THRAP3: variants seen among roughly 807,000 people sequenced by gnomAD.
THRAP3 encodes thyroid hormone receptor-associated protein 3.
In THRAP3, 16 loss-of-function variants were observed where a neutral mutation model predicts 101.0. That is an observed-to-expected ratio of 0.16 (90% CI 0.11 to 0.24). The LOEUF (loss-of-function observed/expected upper bound fraction) is 0.24, where lower values mean the gene tolerates loss of function less well. Ranked by LOEUF, THRAP3 falls within the 10% of genes least tolerant of loss-of-function variation. THRAP3 has a pLI of 1.00. For missense variants in THRAP3, 989 were observed against 1,202.7 expected (o/e 0.82, Z 2.63); for synonymous variants, 407 against 422.6 (o/e 0.96, Z 0.45).
At chr1:36,236,273 T>G (rs1645087485) in intron 1 of THRAP3, among the ~76,000 whole-genome samples, 2 of 151,678 alleles carry the variant, frequency 1.3e-5, no homozygotes, top group African/African-American at 4.8e-5. Flanking sequence ...AAACCAAACC[T>G]TTATGTCTCT....
intron 9 of THRAP3, among the ~76,000 whole-genome samples, chr1:36,299,173 G>T (rs1645997935): frequency 6.6e-6 from 1 of 151,914 alleles, no homozygotes; most frequent in Non-Finnish European, 1.5e-5. Flanking sequence ...GGATGCGGTG[G>T]CTCACGCCTG....
At position 36,292,691 on chromosome 1, in the gene THRAP3, A is replaced by G. The variant is rs1042522212; in HGVS notation, c.2012A>G (p.Lys671Arg). Residue 671 changes from lysine (K) to arginine (R), a missense_variant, in exon 7 of 12, where the codon AAA becomes AGA. Lys to Arg is a conservative substitution (Grantham distance 26). Coordinates refer to ENST00000354618, the MANE Select transcript of THRAP3 (RefSeq NM_005119.4). The part of the protein sequence containing the change: ...GTEQEAAKNK[K>R]SPEIHRRIDI... ...GAGCAGGAGGCAGCCAAAAACAAGA[A>G]AAGCCCAGAGATACACAGGTAAGGA... 1.9e-6 allele frequency: 3 copies of G among 1,613,506 alleles called. No homozygotes were observed. Among genetic ancestry groups the G allele is most frequent in the Middle Eastern group, 1.6e-4 (1 of 6,084 alleles).
chr1:36,261,270 C>T (rs548737686), intron 2 of THRAP3, among the ~76,000 whole-genome samples: 63 of 152,160 alleles, frequency 4.1e-4, no homozygotes, highest in African/African-American at 1.3e-3. Flanking sequence ...CGGTGGCTCA[C>T]GCCTGTAATC....
chr1:36,282,502 T>C (rs1645745861), intron 2 of THRAP3, 31 bp from the exon 3 acceptor site: 1 of 1,522,314 alleles, frequency 6.6e-7, no homozygotes, highest in African/African-American at 1.4e-5. Context: ...AGGAACTCAC[T>C]CATTTGTTCT....
chr1:36,278,636 T>C (rs959930902), intron 2 of THRAP3, among the ~76,000 whole-genome samples: 7 of 152,150 alleles, frequency 4.6e-5, no homozygotes, highest in Admixed American at 3.9e-4. Context: ...TGAAATTCTG[T>C]CCTTGTGCCA....
intron 2 of THRAP3, among the ~76,000 whole-genome samples, chr1:36,271,799 G>T (rs1486134299): frequency 6.6e-6 from 1 of 151,616 alleles, no homozygotes; most frequent in African/African-American, 2.4e-5. Context: ...TCTCCATGTT[G>T]GTCAGGCTGG....
At chr1:36,237,779 A>T (rs1244071761) in intron 1 of THRAP3, among the ~76,000 whole-genome samples, 2 of 151,790 alleles carry the variant, frequency 1.3e-5, no homozygotes, top group Non-Finnish European at 1.5e-5. Context: ...AAAACAAAAC[A>T]AACAAACAAA....
At chr1:36,281,840 C>T (rs1311666972) in intron 2 of THRAP3, among the ~76,000 whole-genome samples, 1 of 151,806 alleles carries the variant, frequency 6.6e-6, no homozygotes, top group Non-Finnish European at 1.5e-5. Flanking sequence ...GGAGGCCGAG[C>T]CGGGCAGATT....
chr1:36,256,416 G>A (rs995773074), intron 1 of THRAP3, among the ~76,000 whole-genome samples: 36 of 151,572 alleles, frequency 2.4e-4, no homozygotes, highest in African/African-American at 8.0e-4. Context: ...TAGTAGAGAC[G>A]GGGTTTCACC....
chr1:36,295,287 CTTTTT>C (rs746652907), intron 8 of THRAP3, among the ~76,000 whole-genome samples: 3 of 144,662 alleles, frequency 2.1e-5, no homozygotes, highest in African/African-American at 7.6e-5. Flanking sequence ...TGCTGTTAAA[CTTTTT>C]TTTTTAAAAG....
chr1:36,247,989 C>T (rs1330525697), intron 1 of THRAP3, among the ~76,000 whole-genome samples: 1 of 150,630 alleles, frequency 6.6e-6, no homozygotes, highest in African/African-American at 2.4e-5. Context: ...AAGCGATTTT[C>T]CTGCCTCAGC....
intron 1 of THRAP3, among the ~76,000 whole-genome samples, chr1:36,238,135 T>G (rs1028511174): frequency 6.6e-6 from 1 of 152,120 alleles, no homozygotes; most frequent in Non-Finnish European, 1.5e-5. Context: ...GCCCGGCGAT[T>G]TAGCAAATTT....
chr1:36,274,187 A>G (rs1173107290), intron 2 of THRAP3, among the ~76,000 whole-genome samples: 2 of 152,164 alleles, frequency 1.3e-5, no homozygotes, highest in Non-Finnish European at 1.5e-5. Flanking sequence ...AATCAATCGT[A>G]AGTAATTTCA....
chr1:36,210,723 A>AT, the THRAP3 span, among the ~76,000 whole-genome samples: 1 of 9,678 alleles, frequency 1.0e-4, no homozygotes, highest in African/African-American at 1.2e-3. Context: ...ATATATATAT[A>AT]TATATATATA....
At position 36,295,562 on chromosome 1, in the gene THRAP3, T is replaced by TTCCC. The variant is rs1278676597; in HGVS notation, c.2116-1018_2116-1017insCTCC. Among the ~76,000 whole-genome samples the TTCCC allele has an allele frequency of 7.5e-4, 107 of 142,950 alleles. 2 individuals are homozygous for TTCCC. The East Asian group carries it at 0.013, about 17-fold the overall frequency. 93.8% of individuals were successfully genotyped at this position (142,950 alleles called of 152,430 possible). On this transcript the variant is annotated intron_variant, in intron 8 of 11. Transcript: ENST00000354618. ...AGAAGTTTTTTCCTTCCTTCCTTCCTTCCTTCCTTCCTTCCCTCCTCCCTT... is the reference window on the plus strand; with the variant it reads ...AGAAGTTTTTTCCTTCCTTCCTTCCTTCCCTCCTTCCTTCCTTCCCTCCTCCCTT...
At position 36,253,405 on chromosome 1, in the gene THRAP3, C is replaced by G. The variant is rs74729095; in HGVS notation, c.-134-5977C>G. ...CATTAAGGTTGGAAATATGCTGGAA[C>G]TGTAGTTTGAGCTCAGAAGATCTGC... On this transcript the variant is annotated intron_variant, in intron 1 of 11. Coordinates refer to ENST00000354618, the MANE Select transcript of THRAP3 (RefSeq NM_005119.4). Among the ~76,000 whole-genome samples, 1,465 of 152,262 alleles carry G rather than the reference C, an allele frequency of 9.6e-3. 16 individuals carry two copies. Among genetic ancestry groups the G allele is most frequent in the African/African-American group, 0.034 (1,405 of 41,542 alleles).
chr1:36,226,346 G>A (rs1439926254), intron 1 of THRAP3, among the ~76,000 whole-genome samples: 1 of 152,068 alleles, frequency 6.6e-6, no homozygotes, highest in African/African-American at 2.4e-5. Flanking sequence ...TGCAACCTCC[G>A]CCTCCTGGGT....
At position 36,292,617 on chromosome 1, in the gene THRAP3, A is replaced by G; in HGVS notation, c.1938A>G (p.Ser646=). 1 of 1,613,372 alleles carries G rather than the reference A, an allele frequency of 6.2e-7. No homozygotes were observed. Among genetic ancestry groups the G allele is most frequent in the Middle Eastern group, 1.7e-4 (1 of 6,054 alleles). The change falls in exon 7 of 12, where the codon TCA becomes TCG. Residue 646 remains serine, a synonymous_variant. Transcript: ENST00000354618. ...HHVKEHHFGS[S]GMTLHERFTK... ...CAACAGAGCATCACTTTGGGTCCTCAGGAATGACATTACATGAACGCTTTA... is the reference window on the plus strand; with the variant it reads ...CAACAGAGCATCACTTTGGGTCCTCGGGAATGACATTACATGAACGCTTTA...
chr1:36,271,016 T>G (rs770951037), intron 2 of THRAP3, among the ~76,000 whole-genome samples: 5 of 152,152 alleles, frequency 3.3e-5, no homozygotes, highest in African/African-American at 1.2e-4. Context: ...AAAATTAAAG[T>G]AAGAAGCAAG....
Sources: gnomAD v4.1 joint callset for allele counts (sites outside exome capture counted in the v4.1 genomes callset) on GRCh38, gnomAD v4.1.1 for gene constraint, MANE v1.5 for transcripts, NCBI Gene and HGNC (gene_info 2026-07-23, HGNC 2026-07-21) for gene names.